NEK10: variants seen among roughly 807,000 people sequenced by gnomAD.
NEK10 encodes the protein serine/threonine-protein kinase Nek10.
In NEK10, 122 loss-of-function variants were observed where a neutral mutation model predicts 159.8. That is an observed-to-expected ratio of 0.76 (90% CI 0.66 to 0.89). The LOEUF is 0.89. Ranked by LOEUF, NEK10 falls within the 40% of genes least tolerant of loss-of-function variation. The pLI, the probability that NEK10 is intolerant of heterozygous loss-of-function variation, is 0.00. For missense variants in NEK10, 1,342 were observed against 1,323.1 expected, an observed-to-expected ratio of 1.01 and a Z score of -0.22; for synonymous variants, 466 against 457.1, an observed-to-expected ratio of 1.02 and a Z score of -0.25.
chr3:27,169,976 T>C (rs1189204339), intron 29 of NEK10, among the ~76,000 whole-genome samples: 2 of 152,194 alleles, frequency 1.3e-5, no homozygotes, highest in African/African-American at 4.8e-5. Context: ...AGAGTTCCTG[T>C]GCCCTTATAA....
intron 1 of NEK10, among the ~76,000 whole-genome samples, chr3:27,360,330 G>A (rs191377005): frequency 6.6e-6 from 1 of 152,190 alleles, no homozygotes; most frequent in Non-Finnish European, 1.5e-5. Flanking sequence ...GGTCACACAT[G>A]AGAAGGCACA....
intron 32 of NEK10, among the ~76,000 whole-genome samples, chr3:27,120,129 C>A (rs892229817): frequency 1.8e-4 from 27 of 151,874 alleles, no homozygotes; most frequent in Admixed American, 6.6e-4. Flanking sequence ...CTTATGAGAG[C>A]AAAAGAAAAA....
At chr3:27,212,520 T>C (rs923143118) in intron 23 of NEK10, among the ~76,000 whole-genome samples, 2 of 152,204 alleles carry the variant, frequency 1.3e-5, no homozygotes, top group African/African-American at 4.8e-5. Flanking sequence ...GTCTCCCTAT[T>C]CCCATTTGCT....
intron 33 of NEK10, among the ~76,000 whole-genome samples, chr3:27,116,383 G>A (rs1410878447): frequency 6.6e-6 from 1 of 152,114 alleles, no homozygotes. Context: ...TGCTCATAGT[G>A]TCCAATAAAG....
chr3:27,153,074 C>T (rs1945043234), intron 30 of NEK10, among the ~76,000 whole-genome samples: 1 of 152,092 alleles, frequency 6.6e-6, no homozygotes, highest in East Asian at 1.9e-4. Flanking sequence ...GTAATCCCAG[C>T]ACTTTGGGAG....
intron 5 of NEK10, among the ~76,000 whole-genome samples, chr3:27,336,492 G>T (rs554760250): frequency 3.3e-4 from 50 of 152,208 alleles, no homozygotes; most frequent in African/African-American, 1.2e-3. Context: ...CTAACTCATT[G>T]TGTGAGGCCA....
chr3:27,238,953 T>C (rs1954266216), intron 23 of NEK10, among the ~76,000 whole-genome samples: 1 of 152,008 alleles, frequency 6.6e-6, no homozygotes, highest in Admixed American at 6.6e-5. Flanking sequence ...CCTCTATAAA[T>C]GAAGATTTGG....
intron 23 of NEK10, among the ~76,000 whole-genome samples, chr3:27,242,702 G>A (rs1954688823): frequency 6.6e-6 from 1 of 152,164 alleles, no homozygotes; most frequent in Non-Finnish European, 1.5e-5. Flanking sequence ...AGTACACTTT[G>A]TTATGAAAAT....
chr3:27,239,694 G>C (rs547442364), intron 23 of NEK10, among the ~76,000 whole-genome samples: 1 of 152,028 alleles, frequency 6.6e-6, no homozygotes, highest in East Asian at 1.9e-4. Context: ...GAATCAAAAG[G>C]TTACAAAAAC....
intron 5 of NEK10, among the ~76,000 whole-genome samples, chr3:27,324,663 G>C (rs2045889657): frequency 6.6e-6 from 1 of 151,924 alleles, no homozygotes; most frequent in Non-Finnish European, 1.5e-5. Flanking sequence ...CTCCTATCTG[G>C]CATCTTTGCT....
intron 22 of NEK10, chr3:27,265,760 G>A (rs1259629382): frequency 1.3e-5 from 2 of 149,360 alleles, no homozygotes; most frequent in African/African-American, 2.5e-5. Context: ...TTATTTTTAA[G>A]TTTTGGATAC....
intron 2 of NEK10, 142 bp downstream of exon 2, chr3:27,352,670 A>G (rs1281560515): frequency 6.3e-6 from 5 of 799,072 alleles, no homozygotes; most frequent in Non-Finnish European, 1.1e-5. Flanking sequence ...TTAGAACACT[A>G]GAAATGACCA....
At chr3:27,134,704 T>C (rs994813897) in intron 31 of NEK10, among the ~76,000 whole-genome samples, 2 of 152,178 alleles carry the variant, frequency 1.3e-5, no homozygotes, top group South Asian at 2.1e-4. Flanking sequence ...GCTGCATATA[T>C]ATTAGAAAGC....
At chr3:27,334,159 G>A (rs923265530) in intron 5 of NEK10, among the ~76,000 whole-genome samples, 1 of 152,166 alleles carries the variant, frequency 6.6e-6, no homozygotes, top group Non-Finnish European at 1.5e-5. Flanking sequence ...CTCCTCCCAA[G>A]GGCCTGAAGT....
At chr3:27,248,022 CT>C (rs1239451937) in intron 23 of NEK10, among the ~76,000 whole-genome samples, 7 of 151,820 alleles carry the variant, frequency 4.6e-5, no homozygotes, top group Admixed American at 4.6e-4. Flanking sequence ...TACTGGGAGA[CT>C]TTTCATTATG....
chr3:27,129,771 G>A (rs935593285), intron 32 of NEK10, among the ~76,000 whole-genome samples: 2 of 151,988 alleles, frequency 1.3e-5, no homozygotes, highest in African/African-American at 4.8e-5. Context: ...ACCAACTTTG[G>A]GGGAAACAGA....
In NEK10 at chr3:27,256,388, A is replaced by G; in HGVS notation, c.2015-17T>C. On this transcript the variant is annotated splice_polypyrimidine_tract_variant and intron_variant, in intron 22 of 35. Transcript: ENST00000691995. ...CAAAGTCAGCTACAATTCACAAAAC[A>G]ACGCAATATGTTACTATATTTTCCC... is the stretch of plus-strand genomic sequence containing the variant. 1 of 1,521,494 alleles carries G rather than the reference A, an allele frequency of 6.6e-7. No homozygotes were observed. Among genetic ancestry groups the G allele is most frequent in the Non-Finnish European group, 8.9e-7 (1 of 1,125,410 alleles). 94.2% of individuals were successfully genotyped at this position (1,521,494 alleles called of 1,614,324 possible).
chr3:27,321,213 A>G (rs569673008), intron 6 of NEK10, among the ~76,000 whole-genome samples: 2 of 152,298 alleles, frequency 1.3e-5, no homozygotes, highest in East Asian at 1.9e-4. Flanking sequence ...CCTCACAGCT[A>G]AAGCACTATG....
chr3:27,130,368 A>G (rs918129578), intron 32 of NEK10, among the ~76,000 whole-genome samples: 2 of 152,156 alleles, frequency 1.3e-5, no homozygotes, highest in African/African-American at 4.8e-5. Context: ...TAAATGCCCA[A>G]TGAGAGATGC....
Sources: allele counts gnomAD v4.1 joint callset (sites outside exome capture counted in the v4.1 genomes callset), GRCh38; gene constraint gnomAD v4.1.1; transcripts MANE v1.5; gene names NCBI Gene and HGNC (gene_info 2026-07-23, HGNC 2026-07-21).